The following LSAMP variants were observed in gnomAD, a reference collection of about 807,000 sequenced individuals.
LSAMP encodes the protein limbic system-associated membrane protein.
In LSAMP, 7 loss-of-function variants were observed where a neutral mutation model predicts 38.6. The ratio of observed to expected loss-of-function variants is 0.18; its 90% CI spans 0.10 to 0.34. The LOEUF is 0.34. LSAMP is among the 10% of genes least tolerant of loss of function. The pLI is 1.00. For synonymous variants in LSAMP, 154 were observed against 166.8 expected (o/e 0.92, Z 0.59); for missense variants, 313 against 420.0 (o/e 0.75, Z 2.23).
At chr3:116,327,393 C>T (rs536352862) in intron 1 of LSAMP, among the ~76,000 whole-genome samples, 23 of 152,188 alleles carry the variant, frequency 1.5e-4, no homozygotes, top group African/African-American at 3.9e-4. Context: ...TCTCTATGTA[C>T]GGAATATTCT....
chr3:116,434,754 A>G (rs1795283), intron 1 of LSAMP, among the ~76,000 whole-genome samples: 87,335 of 151,954 alleles, frequency 0.57, 26,640 homozygotes, highest in East Asian at 0.72. Flanking sequence ...GTGCCACCAC[A>G]TTGGCCAGGA....
chr3:116,030,633 G>T (rs559426052), intron 2 of LSAMP, among the ~76,000 whole-genome samples: 1 of 152,238 alleles, frequency 6.6e-6, no homozygotes, highest in East Asian at 1.9e-4. Context: ...GTTTTACTTG[G>T]CAGAAATGTG....
chr3:116,056,721 A>T (rs1941496040), intron 2 of LSAMP, among the ~76,000 whole-genome samples: 1 of 152,138 alleles, frequency 6.6e-6, no homozygotes, highest in African/African-American at 2.4e-5. Flanking sequence ...TGTCTTCTTC[A>T]TCCCCCAGAG....
chr3:116,226,018 C>G (rs998485066), intron 1 of LSAMP, among the ~76,000 whole-genome samples: 6 of 152,122 alleles, frequency 3.9e-5, no homozygotes, highest in Admixed American at 3.9e-4. Flanking sequence ...AAATTGAAAG[C>G]TTTTCATGGT....
rs565966532 is a variant in LSAMP, at chr3:116,108,112, G to A, written c.156-21556C>T. On this transcript the variant is annotated intron_variant, in intron 1 of 6. Coordinates refer to ENST00000490035, the MANE Select transcript of LSAMP (RefSeq NM_002338.5). The stretch of plus-strand genomic sequence containing the variant: ...TTAGGTTTTAATGAGATGGTAAGGG[G>A]TGCATGATCGGTCGCCAAGGAGGGA... Among the ~76,000 whole-genome samples, 159 of 152,190 alleles carry A rather than the reference G, an allele frequency of 1.0e-3. 1 individual carries two copies. Among genetic ancestry groups the A allele is most frequent in the African/African-American group, 3.7e-3 (154 of 41,514 alleles).
intron 1 of LSAMP, among the ~76,000 whole-genome samples, chr3:116,257,645 A>G (rs1005022584): frequency 6.6e-6 from 1 of 152,196 alleles, no homozygotes; most frequent in Non-Finnish European, 1.5e-5. Context: ...CAGCTTAGAA[A>G]TCTGGTAGAG....
chr3:115,873,785 T>C (rs1936110567), intron 3 of LSAMP, among the ~76,000 whole-genome samples: 1 of 152,088 alleles, frequency 6.6e-6, no homozygotes, highest in Admixed American at 6.6e-5. Flanking sequence ...TACATGCAAA[T>C]TACCAGGTAT....
chr3:116,171,903 G>A (rs537484095), intron 1 of LSAMP, among the ~76,000 whole-genome samples: 127 of 152,028 alleles, frequency 8.4e-4, no homozygotes, highest in Non-Finnish European at 1.2e-3. Context: ...ATGACTGATC[G>A]ATAAAAGGAA....
At chr3:116,151,671 C>T (rs909775162) in intron 1 of LSAMP, among the ~76,000 whole-genome samples, 3 of 152,096 alleles carry the variant, frequency 2.0e-5, no homozygotes, top group Middle Eastern at 3.4e-3. Flanking sequence ...TGAGTGAACA[C>T]GATACTTGGC....
chr3:116,376,635 A>G (rs760260790), intron 1 of LSAMP, among the ~76,000 whole-genome samples: 1 of 152,026 alleles, frequency 6.6e-6, no homozygotes, highest in Non-Finnish European at 1.5e-5. Context: ...CAAGAGTAGT[A>G]TTTTTTATTT....
At chr3:115,948,385 A>G (rs893627342) in intron 3 of LSAMP, among the ~76,000 whole-genome samples, 1 of 152,190 alleles carries the variant, frequency 6.6e-6, no homozygotes, top group Non-Finnish European at 1.5e-5. Flanking sequence ...TAGGCCACAA[A>G]ACAAGTCTCA....
chr3:115,887,833 C>T lies in LSAMP; in HGVS notation c.515-35216G>A, dbSNP rs143965696. On this transcript the variant is annotated intron_variant, in intron 3 of 6. Transcript: ENST00000490035. ...TTGGGAAGTCACAGAATCTGCTTCA[C>T]CTGGCTACAGTGAGAGCATAATCCC... 6.7e-3 allele frequency among the ~76,000 whole-genome samples: 1,023 copies of T among 151,974 alleles called. 7 individuals carry two copies. Among genetic ancestry groups the T allele is most frequent in the Non-Finnish European group, 0.012 (822 of 67,858 alleles).
chr3:116,299,767 G>A (rs897653109), intron 1 of LSAMP, among the ~76,000 whole-genome samples: 3 of 152,264 alleles, frequency 2.0e-5, no homozygotes, highest in Middle Eastern at 3.4e-3. Context: ...GCTCAGAAAA[G>A]AAACAAATCG....
intron 2 of LSAMP, among the ~76,000 whole-genome samples, chr3:116,041,489 T>G (rs1262479108): frequency 2.0e-5 from 3 of 151,862 alleles, no homozygotes; most frequent in Non-Finnish European, 4.4e-5. Flanking sequence ...AATTCAGTCC[T>G]TTTGCAAGTA....
chr3:116,224,153 C>T (rs991403667), intron 1 of LSAMP, among the ~76,000 whole-genome samples: 2 of 152,184 alleles, frequency 1.3e-5, no homozygotes, highest in Admixed American at 1.3e-4. Flanking sequence ...AGATCATAAC[C>T]TCCCTACTAG....
intron 1 of LSAMP, among the ~76,000 whole-genome samples, chr3:116,368,702 G>T (rs1187004135): frequency 3.3e-5 from 5 of 152,158 alleles, no homozygotes; most frequent in African/African-American, 1.2e-4. Context: ...ATGCTGGTCT[G>T]TTTGATGGGA....
intron 3 of LSAMP, among the ~76,000 whole-genome samples, chr3:115,938,955 G>T (rs1329349928): frequency 1.3e-5 from 2 of 152,104 alleles, no homozygotes; most frequent in Non-Finnish European, 2.9e-5. Context: ...TCAGTTTATT[G>T]TAACAATAAA....
intron 4 of LSAMP, among the ~76,000 whole-genome samples, chr3:115,847,828 C>T (rs1324930156): frequency 6.6e-6 from 1 of 152,168 alleles, no homozygotes; most frequent in Admixed American, 6.5e-5. Context: ...ATTACCCAGT[C>T]TTGGGCAGTT....
chr3:116,271,854 A>C (rs1389545175), intron 1 of LSAMP, among the ~76,000 whole-genome samples: 1 of 152,058 alleles, frequency 6.6e-6, no homozygotes, highest in Non-Finnish European at 1.5e-5. Context: ...TCTGCTATAG[A>C]GAAGGATAGA....
Sources: allele counts gnomAD v4.1 joint callset (sites outside exome capture counted in the v4.1 genomes callset), GRCh38; gene constraint gnomAD v4.1.1; transcripts MANE v1.5; gene names NCBI Gene and HGNC (gene_info 2026-07-23, HGNC 2026-07-21).